Variants in JAZF1 observed in about 807,000 individuals in gnomAD.
JAZF1 encodes JAZF zinc finger 1.
A neutral mutation model predicts 26.4 loss-of-function variants in JAZF1; 8 were observed. The ratio of observed to expected loss-of-function variants is 0.30; its 90% CI spans 0.18 to 0.55. The LOEUF (loss-of-function observed/expected upper bound fraction) is 0.55, where lower values mean the gene tolerates loss of function less well. Among genes scored for constraint, JAZF1 ranks in the 20% least tolerant of loss-of-function variants. The pLI is 0.94. For synonymous variants in JAZF1, 126 were observed against 122.3 expected (o/e 1.03, Z -0.20); for missense variants, 199 against 322.0 (o/e 0.62, Z 2.92).
intron 1 of JAZF1, chr7:28,020,743 G>T (rs578107129): frequency 2.1e-6 from 1 of 469,794 alleles, no homozygotes; most frequent in South Asian, 1.6e-5. Context: ...CATGCTAGTG[G>T]CTGAAGCCTC....
In JAZF1 at chr7:27,832,570, A is replaced by G. The variant is rs1583420276; in HGVS notation, c.*230T>C. The G allele has an allele frequency of 3.0e-6, 1 of 331,970 alleles. No homozygotes were observed. The highest frequency in any genetic ancestry group is 2.1e-5 in the African/African-American group (1 of 47,734). The allele number at this position is 331,970 out of a possible 1,614,324, so 20.6% of individuals were successfully genotyped here. A position where few individuals can be genotyped will look rare whatever the true frequency, so the allele number is the denominator to read the frequency against. ...GAAGAACCTAGAGCTTTTTTTGTTT[A>G]GCACCTTATATCAAAGTAATGAAAA... On this transcript the variant is annotated 3_prime_UTR_variant, in exon 5 of 5. Transcript: ENST00000283928.
chr7:27,929,996 CTT>C (rs1011467390), intron 2 of JAZF1, among the ~76,000 whole-genome samples: 9 of 148,004 alleles, frequency 6.1e-5, no homozygotes, highest in South Asian at 2.1e-4. Context: ...CTCTCTCTCT[CTT>C]TCTTTCTTTC....
chr7:27,992,007 T>G, intron 1 of JAZF1, 26 bp from the exon 2 acceptor site: 3 of 1,392,464 alleles, frequency 2.2e-6, no homozygotes, highest in Non-Finnish European at 2.0e-6. Context: ...AATTACGATT[T>G]TTTTTAGATT....
At chr7:27,953,009 T>C (rs942057280) in intron 2 of JAZF1, among the ~76,000 whole-genome samples, 8 of 152,254 alleles carry the variant, frequency 5.3e-5, no homozygotes, top group African/African-American at 1.9e-4. Flanking sequence ...CTCTTGTTGC[T>C]CTAAAGGCAG....
intron 1 of JAZF1, among the ~76,000 whole-genome samples, chr7:28,096,281 CTA>C (rs1279272221): frequency 6.6e-6 from 1 of 152,214 alleles, no homozygotes; most frequent in African/African-American, 2.4e-5. Flanking sequence ...GAGGAAAAAA[CTA>C]TGAGTAAAAG....
chr7:28,033,610 GCTAC>G (rs1219934713), intron 1 of JAZF1, among the ~76,000 whole-genome samples: 1 of 152,184 alleles, frequency 6.6e-6, no homozygotes, highest in African/African-American at 2.4e-5. Flanking sequence ...GAACTCACCA[GCTAC>G]CTGTGTAAAT....
intron 2 of JAZF1, among the ~76,000 whole-genome samples, chr7:27,987,567 T>G (rs1173448675): frequency 6.7e-6 from 1 of 148,426 alleles, no homozygotes; most frequent in Non-Finnish European, 1.5e-5. Context: ...GGGAGGGAGG[T>G]GGGGGGCAGC....
intron 1 of JAZF1, among the ~76,000 whole-genome samples, chr7:28,129,206 A>G (rs1179071734): frequency 6.6e-6 from 1 of 152,158 alleles, no homozygotes; most frequent in East Asian, 1.9e-4. Context: ...AGAGAATCAT[A>G]TAATCTCTTA....
intron 1 of JAZF1, among the ~76,000 whole-genome samples, chr7:28,016,820 A>G (rs1782901752): frequency 1.3e-5 from 2 of 152,116 alleles, no homozygotes; most frequent in African/African-American, 2.4e-5. Flanking sequence ...CATTCAACCA[A>G]TATTTATCGA....
intron 3 of JAZF1, among the ~76,000 whole-genome samples, chr7:27,850,803 C>CA (rs1783131484): frequency 2.0e-5 from 3 of 149,226 alleles, no homozygotes; most frequent in Admixed American, 6.7e-5. Flanking sequence ...TCTTTCAGCT[C>CA]TGAAGGACCA....
intron 4 of JAZF1, among the ~76,000 whole-genome samples, chr7:27,839,405 TC>T (rs978909765): frequency 3.3e-5 from 5 of 152,208 alleles, no homozygotes; most frequent in African/African-American, 1.2e-4. Flanking sequence ...AAAGTCTCTT[TC>T]TGCAATGAAG....
At position 28,041,010 on chromosome 7, in the gene JAZF1, T is replaced by C. The variant is rs148906320; in HGVS notation, c.116-49029A>G. On this transcript the variant is annotated intron_variant, in intron 1 of 4. Transcript: ENST00000283928. Reference sequence around the variant, plus strand: ...AACCACAGAGATTATTTCTATTACATAGATAACACAGTGTGCTCTCAAAGA... The same window carrying C: ...AACCACAGAGATTATTTCTATTACACAGATAACACAGTGTGCTCTCAAAGA... Among the ~76,000 whole-genome samples, 893 of 152,252 alleles carry C rather than the reference T, an allele frequency of 5.9e-3. 5 individuals carry two copies. The highest frequency in any genetic ancestry group is 0.021 in the African/African-American group (862 of 41,538).
At chr7:28,050,316 G>A (rs1783590772) in intron 1 of JAZF1, among the ~76,000 whole-genome samples, 1 of 152,164 alleles carries the variant, frequency 6.6e-6, no homozygotes, top group South Asian at 2.1e-4. Context: ...TAGGCTAGTG[G>A]TTACCAGGGG....
At chr7:27,890,482 C>T (rs1351584471) in intron 3 of JAZF1, among the ~76,000 whole-genome samples, 4 of 152,132 alleles carry the variant, frequency 2.6e-5, no homozygotes, top group Non-Finnish European at 5.9e-5. Flanking sequence ...CAAGTTCACA[C>T]ACAGTGTGGA....
intron 1 of JAZF1, among the ~76,000 whole-genome samples, chr7:28,127,183 G>C (rs1217914846): frequency 1.3e-5 from 2 of 152,238 alleles, no homozygotes; most frequent in African/African-American, 4.8e-5. Context: ...ACTGGGGCAA[G>C]GGAAAATGGA....
At chr7:28,139,480 CACAG>C (rs1782931887) in intron 1 of JAZF1, among the ~76,000 whole-genome samples, 1 of 152,224 alleles carries the variant, frequency 6.6e-6, no homozygotes, top group South Asian at 2.1e-4. Context: ...CGTGTGGACA[CACAG>C]ACAGACATGC....
rs369323046 is a variant in JAZF1 at position 28,019,430 on chromosome 7, G to A, written c.116-27449C>T. ...AGAATCTCAGAATGTTGGGGTAAAC[G>A]CGACCTTAGCAACACTCTTTTCATT... is the stretch of plus-strand genomic sequence containing the variant. On this transcript the variant is annotated intron_variant, in intron 1 of 4. Transcript: ENST00000283928. 3.7e-4 allele frequency among the ~76,000 whole-genome samples: 56 copies of A among 152,158 alleles called. No individual in the cohort carries two copies. The East Asian group carries it at 0.01, about 27-fold the overall frequency.
intron 1 of JAZF1, among the ~76,000 whole-genome samples, chr7:28,174,230 T>C (rs1216367219): frequency 1.3e-5 from 2 of 152,046 alleles, no homozygotes; most frequent in African/African-American, 2.4e-5. Flanking sequence ...GGTAGAGAAA[T>C]ATAAGGGAAT....
At chr7:27,856,931 C>G (rs979255783) in intron 3 of JAZF1, among the ~76,000 whole-genome samples, 1 of 152,228 alleles carries the variant, frequency 6.6e-6, no homozygotes, top group Non-Finnish European at 1.5e-5. Flanking sequence ...ATTTACAATC[C>G]CTTAGCTAGA....
Sources: allele counts gnomAD v4.1 joint callset (sites outside exome capture counted in the v4.1 genomes callset), GRCh38; gene constraint gnomAD v4.1.1; transcripts MANE v1.5; gene names NCBI Gene and HGNC (gene_info 2026-07-23, HGNC 2026-07-21).